The following EIF4G3 variants were observed in gnomAD, a reference collection of about 807,000 sequenced individuals.
The protein encoded by EIF4G3 is eIF-4-gamma 3.
In EIF4G3, 34 loss-of-function variants were observed where a neutral mutation model predicts 186.4. The ratio of observed to expected loss-of-function variants is 0.18; its 90% CI spans 0.14 to 0.24. The LOEUF (loss-of-function observed/expected upper bound fraction) is 0.24. EIF4G3 is among the 10% of genes least tolerant of loss of function. The probability of loss-of-function intolerance (pLI) is 1.00; values close to 1 mark genes in which losing one functional copy is unlikely to be tolerated. For synonymous variants in EIF4G3, 673 were observed against 679.5 expected (o/e 0.99, Z 0.15); for missense variants, 1,536 against 1,948.5 (o/e 0.79, Z 3.99).
intron 10 of EIF4G3, among the ~76,000 whole-genome samples, chr1:20,975,678 AT>A (rs1199945231): frequency 1.3e-5 from 2 of 150,888 alleles, no homozygotes; most frequent in African/African-American, 4.9e-5. Context: ...ATTTAAAAAC[AT>A]TTTTATTCCA....
At chr1:20,894,521 C>A (rs545558802) in intron 17 of EIF4G3, among the ~76,000 whole-genome samples, 1 of 152,176 alleles carries the variant, frequency 6.6e-6, no homozygotes. Context: ...TCTTTACTAA[C>A]CCATTTATGC....
At chr1:21,110,947 T>A (rs1317650144) in intron 2 of EIF4G3, among the ~76,000 whole-genome samples, 1 of 152,236 alleles carries the variant, frequency 6.6e-6, no homozygotes, top group Non-Finnish European at 1.5e-5. Flanking sequence ...AATGTCTGCA[T>A]CCAATCTATG....
intron 3 of EIF4G3, among the ~76,000 whole-genome samples, chr1:21,052,716 G>A (rs969407279): frequency 4.6e-5 from 7 of 152,242 alleles, no homozygotes; most frequent in South Asian, 2.1e-4. Flanking sequence ...GAGTGCCTGC[G>A]ATTGCAGGCG....
chr1:20,882,577 C>T (rs544111357), intron 19 of EIF4G3, among the ~76,000 whole-genome samples: 2 of 150,444 alleles, frequency 1.3e-5, no homozygotes, highest in African/African-American at 2.4e-5. Context: ...GCTGAGATCG[C>T]GTCACTGTAC....
At chr1:21,007,729 C>G (rs1347904450) in intron 4 of EIF4G3, among the ~76,000 whole-genome samples, 1 of 151,628 alleles carries the variant, frequency 6.6e-6, no homozygotes, top group Non-Finnish European at 1.5e-5. Flanking sequence ...TATAAAAAGA[C>G]TCTGTCTTAA....
chr1:20,829,066 C>T, intron 31 of EIF4G3, 81 bp downstream of exon 31: 3 of 1,460,838 alleles, frequency 2.1e-6, no homozygotes, highest in Non-Finnish European at 2.8e-6. Flanking sequence ...GATAATGGGA[C>T]AGTACTATGA....
chr1:21,082,939 G>A (rs2095837015), intron 3 of EIF4G3, among the ~76,000 whole-genome samples: 2 of 148,456 alleles, frequency 1.3e-5, no homozygotes, highest in Non-Finnish European at 3.0e-5. Flanking sequence ...TTGGGAGGCT[G>A]AGGCAGGAGA....
chr1:21,052,753 G>A (rs941918266), intron 3 of EIF4G3, among the ~76,000 whole-genome samples: 9 of 152,286 alleles, frequency 5.9e-5, no homozygotes, highest in African/African-American at 2.2e-4. Context: ...ACTGGTTCTC[G>A]TATTTTTTTG....
intron 31 of EIF4G3, among the ~76,000 whole-genome samples, chr1:20,828,032 T>A: frequency 7.2e-6 from 1 of 139,650 alleles, no homozygotes; most frequent in South Asian, 2.3e-4. Flanking sequence ...TTATAAAGTT[T>A]TTTTTTTTTT....
chr1:21,119,745 G>A (rs1433590240), intron 2 of EIF4G3, among the ~76,000 whole-genome samples: 1 of 151,946 alleles, frequency 6.6e-6, no homozygotes, highest in African/African-American at 2.4e-5. Flanking sequence ...TAGTACGGAG[G>A]CTATAAAAGA....
intron 2 of EIF4G3, among the ~76,000 whole-genome samples, chr1:21,165,196 T>C (rs867579891): frequency 6.6e-6 from 1 of 152,210 alleles, no homozygotes; most frequent in Non-Finnish European, 1.5e-5. Flanking sequence ...TTGGCAAGGA[T>C]GCAGAAAAAC....
At chr1:20,936,145 G>T (rs532313052) in intron 14 of EIF4G3, among the ~76,000 whole-genome samples, 56 of 152,292 alleles carry the variant, frequency 3.7e-4, no homozygotes, top group Non-Finnish European at 6.9e-4. Context: ...TCATTCTGCA[G>T]TATATAAAAG....
At chr1:20,869,867 G>A (rs2078707537) in intron 20 of EIF4G3, among the ~76,000 whole-genome samples, 1 of 151,550 alleles carries the variant, frequency 6.6e-6, no homozygotes, top group Non-Finnish European at 1.5e-5. Flanking sequence ...TCAGGTCCAT[G>A]GTGACATACT....
At position 20,969,307 on chromosome 1, in the gene EIF4G3, A is replaced by C. The variant is rs541409548; in HGVS notation, c.714+167T>G. ...ACCAATAAAAATTTAAAAATATTAT[A>C]ATTTGCAAAGAGAAAAAACATGTCT... On this transcript the variant is annotated intron_variant, in intron 12 of 36. Coordinates refer to ENST00000602326, the MANE Select transcript of EIF4G3 (RefSeq NM_001391906.1). Among the ~76,000 whole-genome samples the C allele has an allele frequency of 1.0e-3, 153 of 152,358 alleles. 4 individuals are homozygous for C. The South Asian group carries it at 0.031, about 31-fold the overall frequency.
chr1:20,888,196 T>C (rs962811388), intron 18 of EIF4G3, among the ~76,000 whole-genome samples: 2 of 152,246 alleles, frequency 1.3e-5, no homozygotes, highest in African/African-American at 4.8e-5. Context: ...CCTCTTTACC[T>C]GACCCAAGAC....
At chr1:21,091,911 CTAAA>C (rs1246988646) in intron 2 of EIF4G3, among the ~76,000 whole-genome samples, 1 of 152,188 alleles carries the variant, frequency 6.6e-6, no homozygotes, top group Admixed American at 6.6e-5. Context: ...ATGGGGTTTT[CTAAA>C]TATACAATCA....
chr1:21,041,018 G>C (rs1023362370), intron 4 of EIF4G3, among the ~76,000 whole-genome samples: 1 of 151,976 alleles, frequency 6.6e-6, no homozygotes, highest in African/African-American at 2.4e-5. Flanking sequence ...GGTACCCCTA[G>C]AGTCTCTATG....
chr1:20,812,558 A>T (rs560358887), intron 35 of EIF4G3, among the ~76,000 whole-genome samples: 2 of 152,330 alleles, frequency 1.3e-5, no homozygotes, highest in South Asian at 4.1e-4. Context: ...TGACAGAAGT[A>T]TGAATTTCTA....
At chr1:21,052,471 T>C (rs149247085) in intron 3 of EIF4G3, among the ~76,000 whole-genome samples, 5 of 152,296 alleles carry the variant, frequency 3.3e-5, no homozygotes, top group Admixed American at 2.0e-4. Flanking sequence ...ATAAAATACA[T>C]AGGATTATGA....
Sources: allele counts gnomAD v4.1 joint callset (sites outside exome capture counted in the v4.1 genomes callset), GRCh38; gene constraint gnomAD v4.1.1; transcripts MANE v1.5; gene names NCBI Gene and HGNC (gene_info 2026-07-23, HGNC 2026-07-21).